TPRA1: variants seen among roughly 807,000 people sequenced by gnomAD.
TPRA1 encodes the protein transmembrane protein adipocyte-associated 1.
In TPRA1, 28 loss-of-function variants were observed where a neutral mutation model predicts 40.1. The ratio of observed to expected loss-of-function variants is 0.70; its 90% CI spans 0.52 to 0.96. TPRA1 has a LOEUF of 0.96. Among genes scored for constraint, TPRA1 ranks in the 40% least tolerant of loss-of-function variants. The probability of loss-of-function intolerance (pLI) is 0.00; values close to 1 mark genes in which losing one functional copy is unlikely to be tolerated. For missense variants in TPRA1, 441 were observed against 482.6 expected (o/e 0.91, Z 0.81); for synonymous variants, 219 against 209.7 (o/e 1.04, Z -0.38).
At chr3:127,577,985 G>A (rs796407771) in intron 3 of TPRA1, among the ~76,000 whole-genome samples, 16 of 152,376 alleles carry the variant, frequency 1.1e-4, no homozygotes, top group African/African-American at 3.4e-4. Flanking sequence ...GGCAGATGGC[G>A]AGAGAGCAGG....
chr3:127,586,900 AG>A (rs2074018695), intron 1 of TPRA1, among the ~76,000 whole-genome samples: 1 of 152,008 alleles, frequency 6.6e-6, no homozygotes, highest in South Asian at 2.1e-4. Context: ...CAGGGTATGG[AG>A]GGCGGGGTGG....
intron 1 of TPRA1, among the ~76,000 whole-genome samples, chr3:127,589,120 A>G (rs2074088010): frequency 6.6e-6 from 1 of 152,132 alleles, no homozygotes; most frequent in Non-Finnish European, 1.5e-5. Flanking sequence ...TCCACCTGGG[A>G]GGAGTCTCCC....
intron 3 of TPRA1, among the ~76,000 whole-genome samples, chr3:127,578,061 C>T (rs577331827): frequency 6.6e-6 from 1 of 152,228 alleles, no homozygotes; most frequent in East Asian, 1.9e-4. Context: ...TGCTGTGCCC[C>T]CAAATCCTGC....
intron 1 of TPRA1, among the ~76,000 whole-genome samples, chr3:127,589,962 G>A (rs1398380501): frequency 1.3e-5 from 2 of 152,254 alleles, no homozygotes; most frequent in African/African-American, 4.8e-5. Context: ...AGAGGGAGCG[G>A]AGGCTTCGAC....
Position 127,576,288 on chromosome 3 carries a change from C to T in TPRA1, c.499-238G>A, listed in dbSNP as rs897747826. On this transcript the variant is annotated intron_variant, in intron 6 of 10. Coordinates refer to ENST00000355552, the MANE Select transcript of TPRA1 (RefSeq NM_001136053.4). The surrounding 1 kb of genome is among the most constrained non-coding windows in gnomAD (Gnocchi z 4.6). ...ACATGGGGAAGGGGGCAGAGATGGA[C>T]AAGGTGCAGTCCCTGCCCCCAATCT... 2.6e-5 allele frequency among the ~76,000 whole-genome samples: 4 copies of T among 152,178 alleles called. No homozygotes were observed. Among genetic ancestry groups the T allele is most frequent in the African/African-American group, 9.7e-5 (4 of 41,428 alleles).
chr3:127,591,490 A>G (rs142959006), upstream of TPRA1, among the ~76,000 whole-genome samples: 27 of 152,232 alleles, frequency 1.8e-4, no homozygotes, highest in African/African-American at 6.5e-4. Flanking sequence ...CGCCTGTCTT[A>G]TCCCCTGGCA....
chr3:127,586,772 C>G (rs2074014392), intron 1 of TPRA1, among the ~76,000 whole-genome samples: 1 of 152,216 alleles, frequency 6.6e-6, no homozygotes, highest in South Asian at 2.1e-4. Flanking sequence ...CGGGCAGGGC[C>G]AGGGTGCAGG....
chr3:127,590,161 C>A (rs1203565781), intron 1 of TPRA1, among the ~76,000 whole-genome samples: 1 of 152,148 alleles, frequency 6.6e-6, no homozygotes, highest in Admixed American at 6.5e-5. Flanking sequence ...CCGCTACGTG[C>A]GGCTCCCTCC....
At chr3:127,577,141 A>C in intron 3 of TPRA1, 65 bp from the exon 4 acceptor site, 1 of 1,529,576 alleles carries the variant, frequency 6.5e-7, no homozygotes, top group Non-Finnish European at 9.0e-7. Flanking sequence ...AGGGGCAGCA[A>C]GCCCACCCCC....
In TPRA1 at chr3:127,590,249, C is replaced by T. The variant is rs2074128886; in HGVS notation, c.-18+161G>A. On this transcript the variant is annotated intron_variant, in intron 1 of 10. Coordinates refer to ENST00000355552, the MANE Select transcript of TPRA1 (RefSeq NM_001136053.4). ...TCCCGTGGGTTCCCACATCCAGGGC[C>T]TTCCCTCCCAAACGCCGCCTTGGCC... 4.6e-5 allele frequency among the ~76,000 whole-genome samples: 7 copies of T among 152,298 alleles called. No individual in the cohort carries two copies. In the South Asian group the frequency reaches 1.4e-3, roughly 32 times the overall value.
chr3:127,580,989 G>A (rs535407156), intron 1 of TPRA1, among the ~76,000 whole-genome samples: 56 of 152,320 alleles, frequency 3.7e-4, no homozygotes, highest in Middle Eastern at 3.4e-3. Flanking sequence ...ATGAGAGGTC[G>A]AGTCTAGCCT....
chr3:127,575,416 T>C lies in TPRA1; in HGVS notation c.760A>G (p.Ile254Val). 2 of 1,592,978 alleles carry C rather than the reference T, an allele frequency of 1.3e-6. No homozygotes were observed. Among genetic ancestry groups the C allele is most frequent in the Non-Finnish European group, 8.5e-7 (1 of 1,169,840 alleles). ...LGSVLLCFDIIEGLCCVDATT... is the reference protein window; with the variant it reads ...LGSVLLCFDIVEGLCCVDATT... ...GCCCCCACGCACCAGAGCCCCTCGA[T>C]GATGTCGAAGCACAGCAGCACACTC... Residue 254 changes from isoleucine (I) to valine (V), a missense_variant, in exon 9 of 11, where the codon ATC (isoleucine) becomes GTC (valine). Physicochemically the swap from Ile to Val is conservative, Grantham distance 29. Transcript: ENST00000355552.
At chr3:127,589,261 C>T (rs908349672) in intron 1 of TPRA1, among the ~76,000 whole-genome samples, 10 of 151,492 alleles carry the variant, frequency 6.6e-5, no homozygotes, top group Non-Finnish European at 1.3e-4. Context: ...GGCCTTCTCT[C>T]TCCTCTCTGG....
chr3:127,589,547 CTAAGCCGGAGACCCCAGTA>C (rs1197616967), intron 1 of TPRA1, among the ~76,000 whole-genome samples: 1 of 152,090 alleles, frequency 6.6e-6, no homozygotes, highest in African/African-American at 2.4e-5. Flanking sequence ...GGTCCCTGTC[CTAAGCCGGAGACCCCAGTA>C]AGATGGGGAG....
intron 8 of TPRA1, 60 bp downstream of exon 8, chr3:127,575,689 G>A (rs2073588350): frequency 6.3e-7 from 1 of 1,583,290 alleles, no homozygotes; most frequent in African/African-American, 1.3e-5. Context: ...CAGCTCTACA[G>A]TGGCCCGGTA....
chr3:127,577,423 G>A (rs2073680291), intron 3 of TPRA1, among the ~76,000 whole-genome samples: 1 of 152,232 alleles, frequency 6.6e-6, no homozygotes, highest in Non-Finnish European at 1.5e-5. Flanking sequence ...TCCTGGCTCT[G>A]TACCTTAGCT....
rs546197672 is a variant in TPRA1, at chr3:127,572,729, T to C, written c.*792A>G. The stretch of plus-strand genomic sequence containing the variant: ...CTTCTCCGCATTTTACAGATGGCAA[T>C]AGTAAGTCCATTCTGCGTTTTAATG... On this transcript the variant is annotated 3_prime_UTR_variant, in exon 11 of 11. Transcript: ENST00000355552. Among the ~76,000 whole-genome samples the C allele has an allele frequency of 6.8e-4, 104 of 152,288 alleles. No individual in the cohort carries two copies. The highest frequency in any genetic ancestry group is 2.5e-3 in the African/African-American group (104 of 41,566).
rs527390480 is a variant in TPRA1, at chr3:127,571,524, T to C, written c.*1997A>G. On this transcript the variant is annotated 3_prime_UTR_variant, in exon 11 of 11. Coordinates refer to ENST00000355552, the MANE Select transcript of TPRA1 (RefSeq NM_001136053.4). ...AAACAAAAGGGAAGTGGTTTATAAA[T>C]TGCCATATATCCATATATATGTAGC... 2.0e-5 allele frequency: 3 copies of C among 152,360 alleles called. No individual in the cohort carries two copies. In the South Asian group the frequency reaches 6.2e-4, roughly 32 times the overall value. The allele number at this position is 152,360 out of a possible 1,614,324, so 9.4% of individuals were successfully genotyped here.
At chr3:127,589,345 A>G (rs2074096816) in intron 1 of TPRA1, among the ~76,000 whole-genome samples, 1 of 151,430 alleles carries the variant, frequency 6.6e-6, no homozygotes, top group South Asian at 2.1e-4. Flanking sequence ...CGGATAGGAA[A>G]CCCTGGGGAG....
Sources: gnomAD v4.1 joint callset for allele counts (sites outside exome capture counted in the v4.1 genomes callset) on GRCh38, gnomAD v4.1.1 for gene constraint, Gnocchi (gnomAD v3.1) non-coding constraint, MANE v1.5 for transcripts, NCBI Gene and HGNC (gene_info 2026-07-23, HGNC 2026-07-21) for gene names.